Variants in CCDC158 observed in about 807,000 individuals in gnomAD.
CCDC158 encodes coiled-coil domain containing 158.
A neutral mutation model predicts 138.6 loss-of-function variants in CCDC158; 116 were observed. The ratio of observed to expected loss-of-function variants is 0.84; its 90% CI spans 0.72 to 0.98. The LOEUF is 0.98. Among genes scored for constraint, CCDC158 ranks in the 50% least tolerant of loss-of-function variants. The pLI is 0.00. For synonymous variants in CCDC158, 436 were observed against 442.4 expected, an observed-to-expected ratio of 0.99 and a Z score of 0.18; for missense variants, 1,265 against 1,306.1, an observed-to-expected ratio of 0.97 and a Z score of 0.48.
At chr4:76,390,014 A>T (rs1333310945) in intron 4 of CCDC158, among the ~76,000 whole-genome samples, 1 of 152,218 alleles carries the variant, frequency 6.6e-6, no homozygotes, top group African/African-American at 2.4e-5. Flanking sequence ...AGCAAGAATA[A>T]ATCATCCAAA....
In CCDC158 at chr4:76,353,230, T is replaced by C. The variant is rs1723221089; in HGVS notation, c.2338A>G (p.Thr780Ala). The C allele has an allele frequency of 7.4e-6, 12 of 1,613,346 alleles. No homozygotes were observed. Among genetic ancestry groups the C allele is most frequent in the Non-Finnish European group, 8.5e-6 (10 of 1,179,590 alleles). ...EKSKLSQELSTVATEKNKMAG... is the reference protein window; with the variant it reads ...EKSKLSQELSAVATEKNKMAG... ...ATCTTGTTTTTTTCTGTGGCAACAG[T>C]ACTCAATTCCTGACTGAGTTTACTT... The change falls in exon 16 of 25, where the codon ACT (threonine) becomes GCT (alanine). Residue 780 changes from threonine (T) to alanine (A), a missense_variant. Coordinates refer to ENST00000682701, the MANE Select transcript of CCDC158 (RefSeq NM_001394954.1).
chr4:76,359,988 G>T (rs1723974847), intron 13 of CCDC158, among the ~76,000 whole-genome samples: 1 of 152,234 alleles, frequency 6.6e-6, no homozygotes, highest in African/African-American at 2.4e-5. Context: ...AGGCCTAGAA[G>T]GGAAAAATGG....
In CCDC158 at chr4:76,371,474, C is replaced by T; in HGVS notation, c.1092G>A (p.Glu364=). 2 of 1,614,132 alleles carry T rather than the reference C, an allele frequency of 1.2e-6. No homozygotes were observed. The highest frequency in any genetic ancestry group is 1.7e-6 in the Non-Finnish European group (2 of 1,179,980). The change falls in exon 10 of 25, where the codon GAG becomes GAA. Residue 364 remains glutamate (E), a synonymous_variant. Coordinates refer to ENST00000682701, the MANE Select transcript of CCDC158 (RefSeq NM_001394954.1). ...ANSELTEART[E]RDQFSQESGN... is the part of the protein sequence containing the mutation. Reference sequence around the variant, plus strand: ...CAGATTCCTGACTGAATTGATCACGCTCTGTCCGGGCTTCAGTTAGCTCTG... The same window carrying T: ...CAGATTCCTGACTGAATTGATCACGTTCTGTCCGGGCTTCAGTTAGCTCTG...
intron 22 of CCDC158, among the ~76,000 whole-genome samples, chr4:76,327,703 C>T (rs114305109): frequency 3.1e-4 from 47 of 152,222 alleles, no homozygotes; most frequent in African/African-American, 7.7e-4. Context: ...CAAAACATTA[C>T]GCAGCACATG....
intron 8 of CCDC158, among the ~76,000 whole-genome samples, chr4:76,380,974 G>A (rs1447294503): frequency 1.3e-5 from 2 of 152,238 alleles, no homozygotes; most frequent in Non-Finnish European, 2.9e-5. Context: ...CTTCCATGTG[G>A]TGTTGAGCCT....
At chr4:76,414,691 T>C (rs1373770039) in intron 1 of CCDC158, among the ~76,000 whole-genome samples, 1 of 152,156 alleles carries the variant, frequency 6.6e-6, no homozygotes, top group African/African-American at 2.4e-5. Context: ...ATAAGTTTTA[T>C]GAGATCCGAT....
intron 2 of CCDC158, among the ~76,000 whole-genome samples, chr4:76,409,907 T>C (rs1446264950): frequency 6.7e-6 from 1 of 150,028 alleles, no homozygotes; most frequent in Non-Finnish European, 1.5e-5. Flanking sequence ...ATTGGAATGT[T>C]GCCAAAAAAA....
rs764804127 is a variant in CCDC158, at chr4:76,326,018, A to G, written c.3011-3T>C. On this transcript the variant is annotated splice_polypyrimidine_tract_variant and splice_region_variant and intron_variant, in intron 22 of 24. Coordinates refer to ENST00000682701, the MANE Select transcript of CCDC158 (RefSeq NM_001394954.1). ...TGAGTTTTTCACAGATGGACTTGCT[A>G]AAAGTTTGCAAGAATAAAAGTAAAA... 3 of 1,606,122 alleles carry G rather than the reference A, an allele frequency of 1.9e-6. No individual in the cohort carries two copies. The highest frequency in any genetic ancestry group is 1.1e-5 in the South Asian group (1 of 89,230).
Position 76,420,989 on chromosome 4 carries a change from A to G in CCDC158, c.-141T>C, listed in dbSNP as rs1730076136. 6.6e-6 allele frequency among the ~76,000 whole-genome samples: 1 copy of G among 151,940 alleles called. No homozygotes were observed. Among genetic ancestry groups the G allele is most frequent in the Non-Finnish European group, 1.5e-5 (1 of 67,958 alleles). On this transcript the variant is annotated 5_prime_UTR_variant, in exon 1 of 25. Coordinates refer to ENST00000682701, the MANE Select transcript of CCDC158 (RefSeq NM_001394954.1). ...CCTGCAACCAACACCTAATCCTAAG[A>G]CACCGGCCACATCTCCGCGGGGCGC...
At position 76,384,124 on chromosome 4, in the gene CCDC158, G is replaced by A. The variant is rs28756797; in HGVS notation, c.690C>T (p.Asp230=). 5.6e-3 allele frequency: 9,040 copies of A among 1,612,132 alleles called. 412 individuals carry two copies. In the African/African-American group the frequency reaches 0.1, roughly 18 times the overall value. Reference sequence around the variant, plus strand: ...TCCCTTTAAGATAAGAAATCTCTGTGTCTAATTCTCTTAGTATTTTACTAA... The same window carrying A: ...TCCCTTTAAGATAAGAAATCTCTGTATCTAATTCTCTTAGTATTTTACTAA... ...SAISKILREL[D]TEISYLKGRI... is the part of the protein sequence containing the mutation. Residue 230 remains aspartate, a synonymous_variant, in exon 6 of 25, where the codon GAC becomes GAT. Transcript: ENST00000682701.
chr4:76,394,620 T>C (rs555436972), intron 4 of CCDC158, among the ~76,000 whole-genome samples: 1 of 152,230 alleles, frequency 6.6e-6, no homozygotes, highest in Admixed American at 6.5e-5. Context: ...TTCAAATAAC[T>C]AAAAGAATAT....
chr4:76,358,533 CG>C (rs1405590473), intron 13 of CCDC158, among the ~76,000 whole-genome samples: 1 of 152,154 alleles, frequency 6.6e-6, no homozygotes, highest in Non-Finnish European at 1.5e-5. Flanking sequence ...AGCCCTCATT[CG>C]TTTCACTTTT....
intron 24 of CCDC158, among the ~76,000 whole-genome samples, chr4:76,317,958 G>A (rs958327570): frequency 6.6e-6 from 1 of 152,084 alleles, no homozygotes; most frequent in Non-Finnish European, 1.5e-5. Context: ...TCTTCGAACT[G>A]AATGAAACTA....
At chr4:76,406,446 T>G (rs570701764) in intron 2 of CCDC158, among the ~76,000 whole-genome samples, 1 of 152,304 alleles carries the variant, frequency 6.6e-6, no homozygotes, top group African/African-American at 2.4e-5. Flanking sequence ...ATAAAAGATT[T>G]AGAAGAACTA....
chr4:76,330,638 C>CT (rs1487509222), intron 21 of CCDC158, among the ~76,000 whole-genome samples: 1 of 152,026 alleles, frequency 6.6e-6, no homozygotes, highest in African/African-American at 2.4e-5. Context: ...ATGTACAGGC[C>CT]TTTTTTCTTG....
chr4:76,376,697 T>G (rs995920389), intron 9 of CCDC158, among the ~76,000 whole-genome samples: 5 of 152,190 alleles, frequency 3.3e-5, no homozygotes, highest in African/African-American at 1.2e-4. Flanking sequence ...TAGGCCAGAG[T>G]GTACTTAGCT....
In CCDC158 at chr4:76,379,424, G is replaced by T. The variant is rs1184053590; in HGVS notation, c.915-20C>A. 6.7e-7 allele frequency: 1 copy of T among 1,481,730 alleles called. No homozygotes were observed. The highest frequency in any genetic ancestry group is 1.7e-4 in the Middle Eastern group (1 of 5,722). The allele number at this position is 1,481,730 out of a possible 1,614,324, so 91.8% of individuals were successfully genotyped here. A position where few individuals can be genotyped will look rare whatever the true frequency, so the allele number is the denominator to read the frequency against. On this transcript the variant is annotated intron_variant, in intron 8 of 24. Transcript: ENST00000682701. ...TGCTCTCTAAGAAGAGTTTAGAAGG[G>T]GAATAAGTGCAAATAGCAAACTAAG... is the stretch of plus-strand genomic sequence containing the variant.
At chr4:76,406,926 T>A (rs1172542694) in intron 2 of CCDC158, among the ~76,000 whole-genome samples, 3 of 150,924 alleles carry the variant, frequency 2.0e-5, no homozygotes, top group Non-Finnish European at 4.4e-5. Context: ...CATAGAAAAA[T>A]GGGTGAACTA....
intron 9 of CCDC158, among the ~76,000 whole-genome samples, chr4:76,376,549 GT>G (rs1284252437): frequency 6.6e-6 from 1 of 151,484 alleles, no homozygotes; most frequent in Non-Finnish European, 1.5e-5. Context: ...AATAATTTGT[GT>G]TTTTAGATTT....
Sources: allele counts gnomAD v4.1 joint callset (sites outside exome capture counted in the v4.1 genomes callset), GRCh38; gene constraint gnomAD v4.1.1; transcripts MANE v1.5; gene names NCBI Gene and HGNC (gene_info 2026-07-23, HGNC 2026-07-21).